The following MYSM1 variants were observed in gnomAD, a reference collection of about 807,000 sequenced individuals.
MYSM1 encodes Myb like, SWIRM and MPN domains 1.
In MYSM1, 51 loss-of-function variants were observed where a neutral mutation model predicts 116.0. That is an observed-to-expected ratio of 0.44 (90% confidence interval 0.35 to 0.56). The LOEUF is 0.56. Among genes scored for constraint, MYSM1 ranks in the 20% least tolerant of loss-of-function variants. The pLI is 0.00. For missense variants in MYSM1, 900 were observed against 974.9 expected, an observed-to-expected ratio of 0.92 and a Z score of 1.02; for synonymous variants, 313 against 315.2, an observed-to-expected ratio of 0.99 and a Z score of 0.07.
intron 6 of MYSM1, among the ~76,000 whole-genome samples, chr1:58,686,399 A>G (rs1644828532): frequency 6.6e-6 from 1 of 152,230 alleles, no homozygotes; most frequent in Non-Finnish European, 1.5e-5. Flanking sequence ...AAATAATTCT[A>G]TATTTTTAGA....
At chr1:58,699,645 T>TA (rs1343344148) in intron 1 of MYSM1, 3 of 985,290 alleles carry the variant, frequency 3.0e-6, no homozygotes, top group Non-Finnish European at 3.6e-6. Flanking sequence ...CCGTAGCCGC[T>TA]CTTGTTCTAG....
chr1:58,685,298 T>A, intron 6 of MYSM1, 47 bp from the exon 7 acceptor site: 4 of 1,339,212 alleles, frequency 3.0e-6, no homozygotes, highest in Admixed American at 4.2e-5. Context: ...TGAATTTACT[T>A]AAGAATAGTC....
chr1:58,674,722 G>A (rs111891435), intron 10 of MYSM1, among the ~76,000 whole-genome samples: 16,227 of 151,756 alleles, frequency 0.11, 879 homozygotes, highest in Middle Eastern at 0.21. Context: ...TCAGGAGATC[G>A]AGACCATCCT....
rs1467785341 is a variant in MYSM1 at position 58,658,932 on chromosome 1, GT to G, written c.*1064del. On this transcript the variant is annotated 3_prime_UTR_variant, in exon 20 of 20. Transcript: ENST00000472487. ...TTATGAGGCCTGTGAGTTAACAATGGTTTTTATCATTTTAAAGGGCTGTAAA... is the reference window on the plus strand; with the variant it reads ...TTATGAGGCCTGTGAGTTAACAATGGTTTTATCATTTTAAAGGGCTGTAAA... The G allele has an allele frequency of 7.3e-6, 1 of 137,310 alleles. No individual in the cohort carries two copies. The highest frequency in any genetic ancestry group is 1.6e-5 in the Non-Finnish European group (1 of 64,366). 8.5% of individuals were successfully genotyped at this position (137,310 alleles called of 1,614,324 possible).
Position 58,695,201 on chromosome 1 carries a change from A to C in MYSM1, c.75T>G (p.Gly25=). The change falls in exon 2 of 20, where the codon GGT becomes GGG. Residue 25 remains glycine, a synonymous_variant. Transcript: ENST00000472487. The part of the protein sequence containing the change: ...VAAAGAQPGS[G]ENTASVLQKD... Reference sequence around the variant, plus strand: ...TTTGTAAAACTGATGCTGTATTTTCACCACTTCTGTAATAATTAAGAAAAT... The same window carrying C: ...TTTGTAAAACTGATGCTGTATTTTCCCCACTTCTGTAATAATTAAGAAAAT... The C allele has an allele frequency of 1.3e-6, 2 of 1,593,308 alleles. No individual in the cohort carries two copies. The highest frequency in any genetic ancestry group is 1.7e-6 in the Non-Finnish European group (2 of 1,161,856).
intron 19 of MYSM1, 48 bp downstream of exon 19, chr1:58,661,122 C>A: frequency 7.2e-7 from 1 of 1,391,820 alleles, no homozygotes; most frequent in Non-Finnish European, 1.0e-6. Context: ...AGATGAATAG[C>A]TTCAGAATCT....
At chr1:58,668,877 A>G in intron 13 of MYSM1, 107 bp downstream of exon 13, 1 of 998,070 alleles carries the variant, frequency 1.0e-6, no homozygotes, top group South Asian at 1.5e-5. Flanking sequence ...TCTCATTTTC[A>G]GTCTTTTTAT....
intron 1 of MYSM1, among the ~76,000 whole-genome samples, chr1:58,696,794 G>GT (rs1326748956): frequency 6.6e-6 from 1 of 152,168 alleles, no homozygotes; most frequent in African/African-American, 2.4e-5. Context: ...TTGTATATCA[G>GT]TGCATGGCAT....
intron 12 of MYSM1, among the ~76,000 whole-genome samples, chr1:58,669,759 T>C: frequency 7.7e-6 from 1 of 130,114 alleles, no homozygotes; most frequent in Admixed American, 9.7e-5. Context: ...GCCCAGGAGG[T>C]GGAGGCTGCA....
chr1:58,687,773 C>A (rs1242846917), intron 6 of MYSM1, among the ~76,000 whole-genome samples: 2 of 152,184 alleles, frequency 1.3e-5, no homozygotes, highest in African/African-American at 4.8e-5. Flanking sequence ...TATCAATGTC[C>A]TGCTGGGCAG....
intron 2 of MYSM1, 81 bp downstream of exon 2, chr1:58,695,048 A>C: frequency 1.4e-6 from 1 of 705,594 alleles, no homozygotes; most frequent in South Asian, 2.1e-5. Context: ...ACTAGCACTA[A>C]GTTTAAAAAA....
chr1:58,692,923 G>A lies in MYSM1; in HGVS notation c.156C>T (p.Thr52=), dbSNP rs1405297237. The A allele has an allele frequency of 1.3e-6, 2 of 1,594,390 alleles. No homozygotes were observed. Among genetic ancestry groups the A allele is most frequent in the East Asian group, 2.3e-5 (1 of 44,120 alleles). The change falls in exon 3 of 20, where the codon ACC becomes ACT. Residue 52 remains threonine (T), a synonymous_variant. Coordinates refer to ENST00000472487, the MANE Select transcript of MYSM1 (RefSeq NM_001085487.3). ...TCTCTTCACTGATGGTGTTATCCAA[G>A]GTCCAAGGCTATTAAAAAAGAGAAT... ...WRTENGLIPW[T]LDNTISEENR...
intron 1 of MYSM1, 91 bp from the exon 2 acceptor site, chr1:58,695,298 G>T: frequency 1.3e-6 from 1 of 748,566 alleles, no homozygotes; most frequent in South Asian, 1.6e-5. Flanking sequence ...AGGTAGTAAG[G>T]GAACTAAGCA....
chr1:58,695,492 C>T (rs1163482206), intron 1 of MYSM1, among the ~76,000 whole-genome samples: 2 of 152,108 alleles, frequency 1.3e-5, no homozygotes, highest in Non-Finnish European at 2.9e-5. Flanking sequence ...GAAAACAATA[C>T]CCCAAAGCAG....
In MYSM1 at chr1:58,676,953, A is replaced by G. The variant is rs1382361931; in HGVS notation, c.1363T>C (p.Leu455=). The G allele has an allele frequency of 6.2e-7, 1 of 1,612,016 alleles. No homozygotes were observed. Among genetic ancestry groups the G allele is most frequent in the Non-Finnish European group, 8.5e-7 (1 of 1,179,144 alleles). ...CIGRIHTYLE[L]IGAINFGCEQ... is the part of the protein sequence containing the mutation. ...CATCCAAAATTGATTGCTCCTATCA[A>G]TTCGAGGTATGTATGAATCCGTCCA... The change falls in exon 9 of 20, where the codon TTG becomes CTG. Residue 455 remains leucine, a synonymous_variant. Transcript: ENST00000472487.
At chr1:58,689,003 TTA>T (rs1289005819) in intron 6 of MYSM1, 33 bp downstream of exon 6, 2 of 1,550,612 alleles carry the variant, frequency 1.3e-6, no homozygotes, top group Admixed American at 1.9e-5. Context: ...GCTTCTAGAA[TTA>T]TTTTACTAAA....
intron 7 of MYSM1, among the ~76,000 whole-genome samples, chr1:58,683,737 T>G (rs1261415773): frequency 6.6e-6 from 1 of 152,174 alleles, no homozygotes; most frequent in African/African-American, 2.4e-5. Context: ...TATTTGAGGT[T>G]AACTGGCTTA....
rs1050524816 is a variant in MYSM1 at position 58,682,274 on chromosome 1, G to A, written c.770C>T (p.Thr257Ile). The change falls in exon 8 of 20, where the codon ACC becomes ATC. Residue 257 changes from threonine (T) to isoleucine (I), a missense_variant. Coordinates refer to ENST00000472487, the MANE Select transcript of MYSM1 (RefSeq NM_001085487.3). Reference protein sequence around the residue: ...LDFPNSKMHETNQGEFITSDS... With the variant: ...LDFPNSKMHEINQGEFITSDS... ...AGAAGTAATGAATTCTCCTTGATTGGTTTCATGCATTTTACTATTAGGAAA... is the reference window on the plus strand; with the variant it reads ...AGAAGTAATGAATTCTCCTTGATTGATTTCATGCATTTTACTATTAGGAAA... The A allele has an allele frequency of 1.2e-6, 2 of 1,611,382 alleles. No individual in the cohort carries two copies. The highest frequency in any genetic ancestry group is 1.3e-5 in the African/African-American group (1 of 74,808).
At chr1:58,678,806 AT>A (rs1018409223) in intron 8 of MYSM1, among the ~76,000 whole-genome samples, 1 of 152,220 alleles carries the variant, frequency 6.6e-6, no homozygotes, top group African/African-American at 2.4e-5. Context: ...TTGACAAAAT[AT>A]GGGGGAAGAA....
Sources: gnomAD v4.1 joint callset for allele counts (sites outside exome capture counted in the v4.1 genomes callset) on GRCh38, gnomAD v4.1.1 for gene constraint, MANE v1.5 for transcripts, NCBI Gene and HGNC (gene_info 2026-07-23, HGNC 2026-07-21) for gene names.